MMP16: variants seen among roughly 807,000 people sequenced by gnomAD.
MMP16 encodes the protein matrix metalloproteinase-16.
Under a neutral mutation model 67.8 loss-of-function variants are expected in MMP16, and 12 were observed. The ratio of observed to expected loss-of-function variants is 0.18; its 90% CI spans 0.11 to 0.29. The LOEUF is 0.29. MMP16 is among the 10% of genes least tolerant of loss of function. The pLI is 1.00. For missense variants in MMP16, 475 were observed against 765.7 expected, an observed-to-expected ratio of 0.62 and a Z score of 4.48; for synonymous variants, 249 against 255.9, an observed-to-expected ratio of 0.97 and a Z score of 0.26.
intron 1 of MMP16, among the ~76,000 whole-genome samples, chr8:88,295,178 A>G (rs1268546558): frequency 1.3e-5 from 2 of 152,326 alleles, no homozygotes; most frequent in South Asian, 2.1e-4. Flanking sequence ...CTTAATGCAC[A>G]AATATGACTA....
intron 1 of MMP16, among the ~76,000 whole-genome samples, chr8:88,219,157 G>A (rs1476766818): frequency 1.3e-5 from 2 of 151,720 alleles, no homozygotes; most frequent in Non-Finnish European, 2.9e-5. Flanking sequence ...AAATAAAGCA[G>A]GAAAGAAGGA....
intron 4 of MMP16, among the ~76,000 whole-genome samples, chr8:88,147,803 G>C (rs578040331): frequency 1.3e-5 from 2 of 150,696 alleles, no homozygotes; most frequent in Admixed American, 6.6e-5. Context: ...GTGTGTGCAT[G>C]CACGCCCCTA....
chr8:88,056,356 T>A, intron 7 of MMP16, 78 bp from the exon 8 acceptor site: 1 of 573,212 alleles, frequency 1.7e-6, no homozygotes, highest in Non-Finnish European at 2.5e-6. Flanking sequence ...ACATTTAAAA[T>A]TATATTAAAT....
At chr8:88,142,545 TC>T in intron 4 of MMP16, among the ~76,000 whole-genome samples, 1 of 152,062 alleles carries the variant, frequency 6.6e-6, no homozygotes, top group East Asian at 1.9e-4. Flanking sequence ...TTTTCTAACT[TC>T]CAGTTTTAAA....
At chr8:88,304,329 T>C (rs993582065) in intron 1 of MMP16, among the ~76,000 whole-genome samples, 15 of 152,116 alleles carry the variant, frequency 9.9e-5, no homozygotes, top group African/African-American at 3.6e-4. Flanking sequence ...GACTGGTATA[T>C]ATAAAAGAGA....
chr8:88,155,623 C>T (rs1808496193), intron 4 of MMP16, among the ~76,000 whole-genome samples: 1 of 152,036 alleles, frequency 6.6e-6, no homozygotes, highest in African/African-American at 2.4e-5. Flanking sequence ...ATTTATTTAC[C>T]AGATCTTCAA....
intron 7 of MMP16, among the ~76,000 whole-genome samples, chr8:88,072,562 A>G (rs1808576870): frequency 6.6e-6 from 1 of 152,100 alleles, no homozygotes; most frequent in African/African-American, 2.4e-5. Flanking sequence ...ACCACTGACA[A>G]GCACAACATT....
intron 7 of MMP16, among the ~76,000 whole-genome samples, chr8:88,071,801 T>C (rs1233024707): frequency 6.6e-6 from 1 of 152,132 alleles, no homozygotes; most frequent in Non-Finnish European, 1.5e-5. Flanking sequence ...GATCTAAGAA[T>C]AGTTTTTACA....
intron 1 of MMP16, among the ~76,000 whole-genome samples, chr8:88,287,904 T>C (rs1279330489): frequency 5.9e-5 from 9 of 152,184 alleles, no homozygotes; most frequent in Non-Finnish European, 1.3e-4. Flanking sequence ...TTACATGATT[T>C]GCTAAAGGCA....
At chr8:88,189,509 C>T (rs879231410) in intron 2 of MMP16, among the ~76,000 whole-genome samples, 7 of 152,284 alleles carry the variant, frequency 4.6e-5, no homozygotes, top group African/African-American at 1.4e-4. Flanking sequence ...TCTTGTATCT[C>T]TCACTCTCAA....
At chr8:88,180,228 C>G (rs903842153) in intron 3 of MMP16, among the ~76,000 whole-genome samples, 5 of 151,644 alleles carry the variant, frequency 3.3e-5, no homozygotes, top group African/African-American at 1.2e-4. Context: ...TTGCAGCGAG[C>G]TGAGATTGCG....
At chr8:88,312,193 G>A (rs918815475) in intron 1 of MMP16, among the ~76,000 whole-genome samples, 5 of 152,124 alleles carry the variant, frequency 3.3e-5, no homozygotes, top group African/African-American at 9.7e-5. Context: ...ATAAAAACTG[G>A]CAGTTCTCTT....
rs942901810 is a variant in MMP16 at position 88,040,022 on chromosome 8, T to C, written c.*1439A>G. 6.6e-6 allele frequency: 1 copy of C among 152,580 alleles called. No homozygotes were observed. Among genetic ancestry groups the C allele is most frequent in the African/African-American group, 2.4e-5 (1 of 41,446 alleles). 9.5% of individuals were successfully genotyped at this position (152,580 alleles called of 1,614,324 possible). A position where few individuals can be genotyped will look rare whatever the true frequency, so the allele number is the denominator to read the frequency against. ...TAGGTAATGCACTGGAGGATATTCA[T>C]GCAACTTCAGAGTCACCGTTTTAAT... is the stretch of plus-strand genomic sequence containing the variant. On this transcript the variant is annotated 3_prime_UTR_variant, in exon 10 of 10. Coordinates refer to ENST00000286614, the MANE Select transcript of MMP16 (RefSeq NM_005941.5).
At chr8:88,184,777 A>C (rs2129749560) in intron 3 of MMP16, among the ~76,000 whole-genome samples, 1 of 133,054 alleles carries the variant, frequency 7.5e-6, no homozygotes, top group African/African-American at 2.8e-5. Flanking sequence ...AAAAAAAAAA[A>C]AGAAAAGAAA....
intron 8 of MMP16, among the ~76,000 whole-genome samples, chr8:88,051,432 C>T (rs1047985104): frequency 6.6e-6 from 1 of 152,062 alleles, no homozygotes; most frequent in African/African-American, 2.4e-5. Flanking sequence ...TATAAATGAA[C>T]CTCATAGCTC....
chr8:88,064,412 T>C (rs1021098400), intron 7 of MMP16, among the ~76,000 whole-genome samples: 3 of 152,142 alleles, frequency 2.0e-5, no homozygotes, highest in African/African-American at 7.2e-5. Flanking sequence ...ATTATGTTAT[T>C]TAATGGGGCA....
intron 1 of MMP16, among the ~76,000 whole-genome samples, chr8:88,257,217 C>T (rs1188365059): frequency 6.6e-6 from 1 of 152,170 alleles, no homozygotes; most frequent in Non-Finnish European, 1.5e-5. Context: ...ATTCAACAAA[C>T]ATGTTGAGAC....
At chr8:88,185,310 T>G (rs1216044800) in intron 3 of MMP16, among the ~76,000 whole-genome samples, 2 of 151,936 alleles carry the variant, frequency 1.3e-5, no homozygotes, top group African/African-American at 4.8e-5. Context: ...AATACAAAAG[T>G]TAGCTGGGCA....
intron 1 of MMP16, among the ~76,000 whole-genome samples, chr8:88,245,079 A>G (rs1380205203): frequency 3.9e-5 from 6 of 152,128 alleles, no homozygotes; most frequent in South Asian, 2.1e-4. Flanking sequence ...CAAAATCTCT[A>G]TTCCTTCTTT....
Sources: allele counts gnomAD v4.1 joint callset (sites outside exome capture counted in the v4.1 genomes callset), GRCh38; gene constraint gnomAD v4.1.1; transcripts MANE v1.5; gene names NCBI Gene and HGNC (gene_info 2026-07-23, HGNC 2026-07-21).